The following CACUL1 variants were observed in gnomAD, a reference collection of about 807,000 sequenced individuals.
CACUL1 encodes CDK2-associated and cullin domain-containing protein 1.
Under a neutral mutation model 45.2 loss-of-function variants are expected in CACUL1, and 13 were observed. That is an observed-to-expected ratio of 0.29 (90% CI 0.19 to 0.46). The LOEUF (loss-of-function observed/expected upper bound fraction) is 0.46. Among genes scored for constraint, CACUL1 ranks in the 20% least tolerant of loss-of-function variants. The pLI, the probability that CACUL1 is intolerant of heterozygous loss-of-function variation, is 1.00. For synonymous variants in CACUL1, 197 were observed against 174.2 expected (o/e 1.13, Z -1.03); for missense variants, 421 against 471.4 (o/e 0.89, Z 0.99).
Position 118,729,384 on chromosome 10 carries a change from A to C in CACUL1, c.508T>G (p.Cys170Gly). 1 of 1,609,928 alleles carries C rather than the reference A, an allele frequency of 6.2e-7. No individual in the cohort carries two copies. The highest frequency in any genetic ancestry group is 8.5e-7 in the Non-Finnish European group (1 of 1,178,870). Residue 170 changes from cysteine (C) to glycine (G), a missense_variant, in exon 3 of 9, where the codon TGT (cysteine) becomes GGT (glycine). Physicochemically the swap from Cys to Gly is radical, Grantham distance 159. Around this residue, in one of 2 missense-constraint regions of CACUL1, gnomAD observed 208 missense variants for 298.4 expected, o/e 0.70. Transcript: ENST00000369151. ...TGTTCCGAGTGCTGCTGGCATACAC[A>C]TTTATACACACAACTGTAAAACAAA... The part of the protein sequence containing the change: ...YEQIYSCVYK[C>G]VCQQHSEQMY...
chr10:118,722,565 C>T lies in CACUL1; in HGVS notation c.597+6730G>A, dbSNP rs138784213. On this transcript the variant is annotated intron_variant, in intron 3 of 8. Coordinates refer to ENST00000369151, the MANE Select transcript of CACUL1 (RefSeq NM_153810.5). ...CACTTAGCCATCTCGGTTATCAGTT[C>T]AACTGTCACGATTATCATAGCAAAT... Among the ~76,000 whole-genome samples, 578 of 152,256 alleles carry T rather than the reference C, an allele frequency of 3.8e-3. 5 individuals are homozygous for T. The highest frequency in any genetic ancestry group is 0.013 in the African/African-American group (541 of 41,548).
chr10:118,702,383 CAG>C (rs1845390988), intron 4 of CACUL1, among the ~76,000 whole-genome samples: 1 of 152,272 alleles, frequency 6.6e-6, no homozygotes, highest in African/African-American at 2.4e-5. Flanking sequence ...TTACGGAGAG[CAG>C]AGAGACCAAA....
Position 118,677,534 on chromosome 10 carries a change from CTG to C in CACUL1, c.*8592_*8593del, listed in dbSNP as rs1845110032. ...AAACTATGTTCCTGAATGTTAATAA[CTG>C]TCTTTCCTTTATAGCTTTACTACTT... On this transcript the variant is annotated 3_prime_UTR_variant, in exon 9 of 9. Transcript: ENST00000369151. 1 of 152,196 alleles carries C rather than the reference CTG, an allele frequency of 6.6e-6. No individual in the cohort carries two copies. Among genetic ancestry groups the C allele is most frequent in the South Asian group, 2.1e-4 (1 of 4,834 alleles). 9.4% of individuals were successfully genotyped at this position (152,196 alleles called of 1,614,324 possible). A position where few individuals can be genotyped will look rare whatever the true frequency, so the allele number is the denominator to read the frequency against.
chr10:118,739,159 G>A (rs1845768976), intron 1 of CACUL1, among the ~76,000 whole-genome samples: 1 of 150,876 alleles, frequency 6.6e-6, no homozygotes, highest in South Asian at 2.1e-4. Flanking sequence ...TCATGCCACT[G>A]CACTCCAGCC....
At chr10:118,699,189 T>G (rs1445604749) in intron 5 of CACUL1, among the ~76,000 whole-genome samples, 1 of 152,228 alleles carries the variant, frequency 6.6e-6, no homozygotes. Context: ...CTTGTTGTTC[T>G]GAAGCCCAAA....
rs778156855 is a variant in CACUL1 at position 118,682,435 on chromosome 10, T to G, written c.*3693A>C. 3.9e-5 allele frequency: 6 copies of G among 152,382 alleles called. No individual in the cohort carries two copies. The highest frequency in any genetic ancestry group is 7.4e-5 in the Non-Finnish European group (5 of 67,988). 9.4% of individuals were successfully genotyped at this position (152,382 alleles called of 1,614,324 possible). A position where few individuals can be genotyped will look rare whatever the true frequency, so the allele number is the denominator to read the frequency against. ...AAGAAAATAAAGCCAGCCTCAATAA[T>G]AAAAAGGCAAAATCTGGAGGGGTTA... On this transcript the variant is annotated 3_prime_UTR_variant, in exon 9 of 9. Coordinates refer to ENST00000369151, the MANE Select transcript of CACUL1 (RefSeq NM_153810.5).
At chr10:118,753,404 G>T (rs751501591) in intron 1 of CACUL1, among the ~76,000 whole-genome samples, 14 of 152,192 alleles carry the variant, frequency 9.2e-5, no homozygotes, top group Non-Finnish European at 2.9e-5. Flanking sequence ...TTAGTAGCTA[G>T]AAATGAACTC....
intron 1 of CACUL1, among the ~76,000 whole-genome samples, chr10:118,740,405 T>C (rs1201819416): frequency 1.3e-5 from 2 of 148,366 alleles, no homozygotes; most frequent in East Asian, 4.0e-4. Flanking sequence ...AGGCCAGGAG[T>C]TCAAGACCAG....
At position 118,754,511 on chromosome 10, in the gene CACUL1, A is replaced by T; in HGVS notation, c.252T>A (p.Ala84=). The change falls in exon 1 of 9, where the codon GCT becomes GCA. Residue 84 remains alanine, a synonymous_variant. Transcript: ENST00000369151. ...TCTTCAACATCATGATCACCCCATT[A>T]GCCTCCGGCGGTGGCTGCGGCCCCA... The part of the protein sequence containing the change: ...LPMGPQPPPE[A]NGVIMMLKSC... 7 of 1,613,266 alleles carry T rather than the reference A, an allele frequency of 4.3e-6. No individual in the cohort carries two copies. The highest frequency in any genetic ancestry group is 5.9e-6 in the Non-Finnish European group (7 of 1,179,628).
At chr10:118,720,036 A>G (rs1288093788) in intron 3 of CACUL1, among the ~76,000 whole-genome samples, 1 of 152,188 alleles carries the variant, frequency 6.6e-6, no homozygotes. Flanking sequence ...AATAAAGTCA[A>G]TTGAGTCTTA....
intron 1 of CACUL1, among the ~76,000 whole-genome samples, chr10:118,744,533 T>G (rs1444838928): frequency 1.3e-5 from 2 of 152,156 alleles, no homozygotes; most frequent in Non-Finnish European, 2.9e-5. Context: ...TTATTTTGGG[T>G]TGATGAAAAT....
At chr10:118,693,797 TTAC>T in intron 6 of CACUL1, 1 of 452,974 alleles carries the variant, frequency 2.2e-6, no homozygotes, top group Non-Finnish European at 4.4e-6. Context: ...AATAAAATCT[TTAC>T]TACTTTATAC....
intron 3 of CACUL1, among the ~76,000 whole-genome samples, chr10:118,725,285 T>C (rs1282611948): frequency 1.3e-5 from 2 of 152,094 alleles, no homozygotes; most frequent in East Asian, 1.9e-4. Flanking sequence ...CTGGGCAACA[T>C]GGTAAAACCC....
chr10:118,737,689 T>TA (rs60182117), intron 1 of CACUL1, among the ~76,000 whole-genome samples: 44 of 141,404 alleles, frequency 3.1e-4, no homozygotes, highest in East Asian at 1.0e-3. Context: ...ACTACTATCT[T>TA]AAAAAAAAAA....
In CACUL1 at chr10:118,719,845, C is replaced by T. The variant is rs1845584094; in HGVS notation, c.597+9450G>A. On this transcript the variant is annotated intron_variant, in intron 3 of 8. Coordinates refer to ENST00000369151, the MANE Select transcript of CACUL1 (RefSeq NM_153810.5). The stretch of plus-strand genomic sequence containing the variant: ...AAAAAGGAATTTCTTTCCAAATAGA[C>T]AAACATATCTGACATTCCATTCTCA... Among the ~76,000 whole-genome samples, 2 of 151,320 alleles carry T rather than the reference C, an allele frequency of 1.3e-5. 1 individual carries two copies. The highest frequency in any genetic ancestry group is 4.1e-4 in the South Asian group (2 of 4,820).
intron 1 of CACUL1, among the ~76,000 whole-genome samples, chr10:118,754,003 T>C (rs1845925918): frequency 6.6e-6 from 1 of 152,204 alleles, no homozygotes; most frequent in African/African-American, 2.4e-5. Flanking sequence ...ACTGAAGGCC[T>C]TTCCCTAACG....
chr10:118,688,278 C>T (rs1845227961), intron 7 of CACUL1, among the ~76,000 whole-genome samples: 1 of 152,242 alleles, frequency 6.6e-6, no homozygotes, highest in Admixed American at 6.5e-5. Context: ...GTAGTCAACA[C>T]TACACCTAGC....
chr10:118,713,717 T>G (rs1001056726), intron 3 of CACUL1, among the ~76,000 whole-genome samples: 1 of 152,254 alleles, frequency 6.6e-6, no homozygotes, highest in African/African-American at 2.4e-5. Flanking sequence ...CCAGAAGAAC[T>G]TTATGCCTAT....
Position 118,754,955 on chromosome 10 carries a change from G to C in CACUL1, c.-193C>G, listed in dbSNP as rs1845943641. On this transcript the variant is annotated 5_prime_UTR_variant, in exon 1 of 9. Coordinates refer to ENST00000369151, the MANE Select transcript of CACUL1 (RefSeq NM_153810.5). Reference sequence around the variant, plus strand: ...CTTGAAGACGCGGCTGACGGCGGTGGGCGCTCCGGGGCTCTAGTCTGGGAG... The same window carrying C: ...CTTGAAGACGCGGCTGACGGCGGTGCGCGCTCCGGGGCTCTAGTCTGGGAG... 2 of 631,252 alleles carry C rather than the reference G, an allele frequency of 3.2e-6. No individual in the cohort carries two copies. The highest frequency in any genetic ancestry group is 5.0e-6 in the Non-Finnish European group (2 of 400,208). 39.1% of individuals were successfully genotyped at this position (631,252 alleles called of 1,614,324 possible).
Sources: allele counts gnomAD v4.1 joint callset (sites outside exome capture counted in the v4.1 genomes callset), GRCh38; gene constraint gnomAD v4.1.1; regional missense constraint gnomAD v4.1.1; transcripts MANE v1.5; gene names NCBI Gene and HGNC (gene_info 2026-07-23, HGNC 2026-07-21).